Variants in IGF2R observed in about 807,000 individuals in gnomAD.
IGF2R encodes insulin like growth factor 2 receptor, also known as cation-independent mannose-6-phosphate receptor.
In IGF2R, 91 loss-of-function variants were observed where a neutral mutation model predicts 270.6. That is an observed-to-expected ratio of 0.34 (90% CI 0.28 to 0.40). The LOEUF (loss-of-function observed/expected upper bound fraction) is 0.40, where lower values mean the gene tolerates loss of function less well. Among genes scored for constraint, IGF2R ranks in the 10% least tolerant of loss-of-function variants. The probability of loss-of-function intolerance (pLI) is 1.00; values close to 1 mark genes in which losing one functional copy is unlikely to be tolerated. For missense variants in IGF2R, 2,805 were observed against 3,188.3 expected (o/e 0.88, Z 2.90); for synonymous variants, 1,316 against 1,258.9 (o/e 1.05, Z -0.96).
At position 160,076,068 on chromosome 6, in the gene IGF2R, T is replaced by C. The variant is rs1462567573; in HGVS notation, c.5316+72T>C. ...GAGCCAAGGCTAGACAACCAGAAAG[T>C]GCGTGTCAGGTCCAAGGATACTCTT... On this transcript the variant is annotated intron_variant, in intron 36 of 47. Coordinates refer to ENST00000356956, the MANE Select transcript of IGF2R (RefSeq NM_000876.4). 4.2e-6 allele frequency: 6 copies of C among 1,440,644 alleles called. No individual in the cohort carries two copies. The African/African-American group carries it at 8.4e-5, about 20-fold the overall frequency. The allele number at this position is 1,440,644 out of a possible 1,614,324, so 89.2% of individuals were successfully genotyped here. A position where few individuals can be genotyped will look rare whatever the true frequency, so the allele number is the denominator to read the frequency against.
In IGF2R at chr6:160,044,566, GA is replaced by G; in HGVS notation, c.1677del (p.Gly560GlufsTer38). The G allele has an allele frequency of 6.2e-7, 1 of 1,608,874 alleles. No homozygotes were observed. Among genetic ancestry groups the G allele is most frequent in the Non-Finnish European group, 8.5e-7 (1 of 1,176,442 alleles). ...AATTTATTTCCTCTCCCATGAAAGA[GA>G]AAGGAAACATTCAACTCTCTTATTC... ...GKFISSPMKE[K>X]GNIQLSYSDG... On this transcript the variant is annotated frameshift_variant, in exon 13 of 48. Coordinates refer to ENST00000356956, the MANE Select transcript of IGF2R (RefSeq NM_000876.4). LOFTEE classifies it high-confidence loss of function.
At chr6:160,064,616 A>C in intron 28 of IGF2R, 85 bp downstream of exon 28, 1 of 1,416,930 alleles carries the variant, frequency 7.1e-7, no homozygotes, top group Non-Finnish European at 9.8e-7. Context: ...CTGTCCTCAG[A>C]TCTCATCAAA....
At chr6:160,012,386 A>G (rs1008694425) in intron 4 of IGF2R, among the ~76,000 whole-genome samples, 1 of 152,116 alleles carries the variant, frequency 6.6e-6, no homozygotes, top group Non-Finnish European at 1.5e-5. Context: ...AAAGAGGTAT[A>G]ATTAGCTCAC....
Position 160,061,759 on chromosome 6 carries a change from C to T in IGF2R, c.3413C>T (p.Ala1138Val). ...LPYIPGCQGSAVGSCLVSEGN... is the reference protein window; with the variant it reads ...LPYIPGCQGSVVGSCLVSEGN... Reference sequence around the variant, plus strand: ...ACTTATTCTGTTCTTCCAGGCAGCGCAGTGGGGTCTTGCTTAGTGTCAGAA... The same window carrying T: ...ACTTATTCTGTTCTTCCAGGCAGCGTAGTGGGGTCTTGCTTAGTGTCAGAA... The change falls in exon 25 of 48, where the codon GCA becomes GTA. Residue 1138 changes from alanine (A) to valine (V), a missense_variant. Physicochemically the swap from Ala to Val is moderately conservative, Grantham distance 64 (BLOSUM62 0). Transcript: ENST00000356956. 2 of 1,614,172 alleles carry T rather than the reference C, an allele frequency of 1.2e-6. No individual in the cohort carries two copies. Among genetic ancestry groups the T allele is most frequent in the Non-Finnish European group, 1.7e-6 (2 of 1,180,040 alleles).
intron 4 of IGF2R, among the ~76,000 whole-genome samples, chr6:160,013,968 G>A (rs924562135): frequency 2.1e-4 from 32 of 152,220 alleles, no homozygotes; most frequent in Admixed American, 1.6e-3. Flanking sequence ...ATCTCAATTT[G>A]GTTTAGTGTC....
intron 44 of IGF2R, chr6:160,093,509 T>G (rs1888727): frequency 1.7e-6 from 1 of 576,716 alleles, no homozygotes; most frequent in Non-Finnish European, 3.2e-6. Flanking sequence ...AAATCACACG[T>G]CTGTACAGCC....
rs920323002 is a variant in IGF2R, at chr6:160,068,116, CAG to C, written c.4116-127_4116-126del. 8.2e-6 allele frequency: 6 copies of C among 734,066 alleles called. No homozygotes were observed. The East Asian group carries it at 1.3e-4, about 16-fold the overall frequency. 45.5% of individuals were successfully genotyped at this position (734,066 alleles called of 1,614,324 possible). A position where few individuals can be genotyped will look rare whatever the true frequency, so the allele number is the denominator to read the frequency against. On this transcript the variant is annotated intron_variant, in intron 29 of 47. Transcript: ENST00000356956. The stretch of plus-strand genomic sequence containing the variant: ...TGTGTGTGTGTGTGTGTGACAGAGA[CAG>C]AGAGAAGTCGAGTCTAAAGTTCTGT...
At chr6:160,078,059 C>CT in intron 36 of IGF2R, 142 bp from the exon 37 acceptor site, 1 of 766,386 alleles carries the variant, frequency 1.3e-6, no homozygotes, top group Non-Finnish European at 2.2e-6. Flanking sequence ...GGCATTGGGT[C>CT]TTTCAGCTGC....
At chr6:160,086,553 G>C (rs1779101250) in intron 41 of IGF2R, among the ~76,000 whole-genome samples, 1 of 152,202 alleles carries the variant, frequency 6.6e-6, no homozygotes, top group Non-Finnish European at 1.5e-5. Context: ...GAGCCGAGGA[G>C]GTTGAGCCTC....
intron 1 of IGF2R, 66 bp downstream of exon 1, chr6:159,969,461 CG>C: frequency 1.8e-6 from 2 of 1,112,128 alleles, no homozygotes; most frequent in East Asian, 4.1e-5. Flanking sequence ...GCGTGGGGGG[CG>C]GGGAGCGCTC....
At chr6:160,072,067 CG>C in intron 32 of IGF2R, 31 bp downstream of exon 32, 2 of 1,613,282 alleles carry the variant, frequency 1.2e-6, no homozygotes, top group South Asian at 2.2e-5. Context: ...TTAACCCCAG[CG>C]CAGGTGAGAG....
chr6:159,970,833 T>G (rs1484049025), intron 1 of IGF2R, among the ~76,000 whole-genome samples: 1 of 151,496 alleles, frequency 6.6e-6, no homozygotes, highest in Non-Finnish European at 1.5e-5. Context: ...AATCCAGCAC[T>G]TTGGAAGGCC....
intron 39 of IGF2R, among the ~76,000 whole-genome samples, chr6:160,082,815 G>A (rs1200112011): frequency 6.6e-6 from 1 of 152,244 alleles, no homozygotes; most frequent in Non-Finnish European, 1.5e-5. Context: ...GATGGCGGAT[G>A]GAGTCTGCAG....
Position 159,998,896 on chromosome 6 carries a change from CT to C in IGF2R, c.289+7574del, listed in dbSNP as rs1784088885. Among the ~76,000 whole-genome samples the C allele has an allele frequency of 6.6e-6, 1 of 152,176 alleles. No individual in the cohort carries two copies. Among genetic ancestry groups the C allele is most frequent in the Admixed American group, 6.5e-5 (1 of 15,280 alleles). ...GGCCTAATGTTTAAAAGTAAAATAT[CT>C]CATTTAATTCATTCAACAACCCTTT... On this transcript the variant is annotated intron_variant, in intron 2 of 47. Coordinates refer to ENST00000356956, the MANE Select transcript of IGF2R (RefSeq NM_000876.4). This position sits in a 1 kb window ranked among gnomAD's most constrained non-coding sequence, Gnocchi z 4.1.
At chr6:159,979,194 T>C (rs938819519) in intron 1 of IGF2R, among the ~76,000 whole-genome samples, 10 of 152,216 alleles carry the variant, frequency 6.6e-5, no homozygotes, top group Non-Finnish European at 8.8e-5. Flanking sequence ...AAAATTAACT[T>C]GTTGCTATCT....
chr6:160,031,665 C>T (rs559555104), intron 7 of IGF2R, among the ~76,000 whole-genome samples: 3 of 152,228 alleles, frequency 2.0e-5, no homozygotes, highest in South Asian at 4.2e-4. Context: ...GCAGAAGCAT[C>T]GATTATGAGT....
intron 35 of IGF2R, among the ~76,000 whole-genome samples, chr6:160,075,477 G>A (rs1280505507): frequency 6.6e-6 from 1 of 152,176 alleles, no homozygotes; most frequent in Non-Finnish European, 1.5e-5. Flanking sequence ...TGGGAGGACC[G>A]TGTAGCATCC....
intron 6 of IGF2R, among the ~76,000 whole-genome samples, chr6:160,029,234 T>G (rs919900315): frequency 6.6e-6 from 1 of 152,166 alleles, no homozygotes; most frequent in Non-Finnish European, 1.5e-5. Context: ...ACCACCTTGG[T>G]CTCCCAGAAT....
Position 160,096,626 on chromosome 6 carries a change from G to A in IGF2R, c.6842+1G>A. On this transcript the variant is annotated splice_donor_variant, in intron 45 of 47. Transcript: ENST00000356956. LOFTEE classifies it high-confidence loss of function. ...ACACCTCAGCCGTGTGTCCTCTGGG[G>A]TGAGTATGACATCCGGAAGCTTAGC... 2 of 1,608,648 alleles carry A rather than the reference G, an allele frequency of 1.2e-6. No individual in the cohort carries two copies. Among genetic ancestry groups the A allele is most frequent in the Non-Finnish European group, 1.7e-6 (2 of 1,176,614 alleles).
Sources: allele counts gnomAD v4.1 joint callset (sites outside exome capture counted in the v4.1 genomes callset), GRCh38; gene constraint gnomAD v4.1.1; non-coding constraint Gnocchi (gnomAD v3.1); transcripts MANE v1.5; gene names NCBI Gene and HGNC (gene_info 2026-07-23, HGNC 2026-07-21).